The following SAMD15 variants were observed in gnomAD, a reference collection of about 807,000 sequenced individuals.
SAMD15 encodes sterile alpha motif domain containing 15.
SAMD15 carries 37 observed loss-of-function variants against 50.5 expected under a neutral mutation model. That is an observed-to-expected ratio of 0.73 (90% CI 0.56 to 0.96). The LOEUF (loss-of-function observed/expected upper bound fraction) is 0.96, where lower values mean the gene tolerates loss of function less well. SAMD15 is among the 40% of genes least tolerant of loss of function. The pLI is 0.00. For missense variants in SAMD15, 789 were observed against 783.8 expected (o/e 1.01, Z -0.08); for synonymous variants, 255 against 282.8 (o/e 0.90, Z 0.99).
At chr14:77,382,387 TG>T (rs1444810265) in intron 2 of SAMD15, among the ~76,000 whole-genome samples, 2 of 152,070 alleles carry the variant, frequency 1.3e-5, no homozygotes, top group Admixed American at 6.6e-5. Flanking sequence ...CCTCTCAAAA[TG>T]CTGGGACTAC....
intron 2 of SAMD15, among the ~76,000 whole-genome samples, chr14:77,382,146 A>AC (rs1358302311): frequency 6.8e-6 from 1 of 147,812 alleles, no homozygotes; most frequent in Admixed American, 6.7e-5. Flanking sequence ...TTTTTTTGAG[A>AC]CCGAGTCTCA....
At position 77,377,775 on chromosome 14, in the gene SAMD15, CAA is replaced by C; in HGVS notation, c.359_360del (p.Lys120ArgfsTer8). On this transcript the variant is annotated frameshift_variant, in exon 1 of 3. Transcript: ENST00000216471. LOFTEE classifies it high-confidence loss of function. ...ETSREMGEFF[K>X]DLEAPMDETH... The stretch of plus-strand genomic sequence containing the variant: ...CATCCAGAGAGATGGGAGAGTTTTT[CAA>C]AGATTTGGAGGCCCCTATGGATGAA... 6.2e-7 allele frequency: 1 copy of C among 1,614,046 alleles called. No individual in the cohort carries two copies. Among genetic ancestry groups the C allele is most frequent in the Non-Finnish European group, 8.5e-7 (1 of 1,180,004 alleles).
intron 2 of SAMD15, among the ~76,000 whole-genome samples, chr14:77,388,294 A>G (rs1894030040): frequency 1.3e-5 from 2 of 152,126 alleles, no homozygotes; most frequent in Admixed American, 1.3e-4. Context: ...CACATATACT[A>G]AAAGAGAATC....
intron 2 of SAMD15, among the ~76,000 whole-genome samples, chr14:77,386,891 T>C (rs1023022112): frequency 2.0e-5 from 3 of 152,146 alleles, no homozygotes. Flanking sequence ...AATATAGTAA[T>C]AATTGTCTTC....
rs1341362228 is a variant in SAMD15 at position 77,391,440 on chromosome 14, C to T, written c.*196C>T. The T allele has an allele frequency of 4.4e-6, 2 of 450,786 alleles. No individual in the cohort carries two copies. The highest frequency in any genetic ancestry group is 7.8e-6 in the Non-Finnish European group (2 of 257,070). 27.9% of individuals were successfully genotyped at this position (450,786 alleles called of 1,614,324 possible). Reference sequence around the variant, plus strand: ...CCTTGCGATTCTCCTGTCTCAGCCTCCCGAGTAGCTGGGATTACAGGCATC... The same window carrying T: ...CCTTGCGATTCTCCTGTCTCAGCCTTCCGAGTAGCTGGGATTACAGGCATC... On this transcript the variant is annotated 3_prime_UTR_variant, in exon 3 of 3. Coordinates refer to ENST00000216471, the MANE Select transcript of SAMD15 (RefSeq NM_001010860.4).
At chr14:77,390,306 A>AT (rs1362459912) in intron 2 of SAMD15, among the ~76,000 whole-genome samples, 1 of 151,690 alleles carries the variant, frequency 6.6e-6, no homozygotes, top group Non-Finnish European at 1.5e-5. Flanking sequence ...CTGAGTTATA[A>AT]TTTTTTTTCT....
Position 77,391,272 on chromosome 14 carries a change from G to A in SAMD15, c.*28G>A, listed in dbSNP as rs1434289525. 1 of 1,391,854 alleles carries A rather than the reference G, an allele frequency of 7.2e-7. No homozygotes were observed. Among genetic ancestry groups the A allele is most frequent in the East Asian group, 2.3e-5 (1 of 43,370 alleles). 86.2% of individuals were successfully genotyped at this position (1,391,854 alleles called of 1,614,324 possible). ...GAAATCCACTTCACAGAGCTTGAAA[G>A]ATCAAACTAAATTACTTGAGGGAAG... On this transcript the variant is annotated 3_prime_UTR_variant, in exon 3 of 3. Coordinates refer to ENST00000216471, the MANE Select transcript of SAMD15 (RefSeq NM_001010860.4).
Position 77,378,908 on chromosome 14 carries a change from C to G in SAMD15, c.1490C>G (p.Pro497Arg). 6.2e-7 allele frequency: 1 copy of G among 1,613,604 alleles called. No homozygotes were observed. The highest frequency in any genetic ancestry group is 8.5e-7 in the Non-Finnish European group (1 of 1,179,606). ...NVSEECSYSDPSESQTELSEF... is the reference protein window; with the variant it reads ...NVSEECSYSDRSESQTELSEF... The stretch of plus-strand genomic sequence containing the variant: ...AGTGAAGAATGCTCATACTCAGATC[C>G]CTCAGAGTCTCAGACAGAATTAAGT... The change falls in exon 1 of 3, where the codon CCC (proline) becomes CGC (arginine). Residue 497 changes from proline to arginine, a missense_variant. Pro to Arg is a moderately radical substitution (Grantham distance 103, BLOSUM62 -2). This residue lies in a region of SAMD15 where 770 missense variants were observed against 745.4 expected (regional missense o/e 1.03). Coordinates refer to ENST00000216471, the MANE Select transcript of SAMD15 (RefSeq NM_001010860.4).
At chr14:77,390,565 G>T (rs1033651000) in intron 2 of SAMD15, among the ~76,000 whole-genome samples, 1 of 152,112 alleles carries the variant, frequency 6.6e-6, no homozygotes, top group African/African-American at 2.4e-5. Context: ...GTAAGCCTGT[G>T]AATTTGTTTC....
chr14:77,390,181 A>G (rs1309862282), intron 2 of SAMD15, among the ~76,000 whole-genome samples: 1 of 151,986 alleles, frequency 6.6e-6, no homozygotes, highest in African/African-American at 2.4e-5. Flanking sequence ...TTTTTAGTAG[A>G]GACAGGGTTT....
At chr14:77,389,066 G>T (rs987961974) in intron 2 of SAMD15, among the ~76,000 whole-genome samples, 2 of 151,578 alleles carry the variant, frequency 1.3e-5, no homozygotes, top group African/African-American at 4.8e-5. Flanking sequence ...CTCCAGCCTG[G>T]GTAACACAGC....
rs1329709067 is a variant in SAMD15 at position 77,391,714 on chromosome 14, C to T, written c.*470C>T. On this transcript the variant is annotated 3_prime_UTR_variant, in exon 3 of 3. Coordinates refer to ENST00000216471, the MANE Select transcript of SAMD15 (RefSeq NM_001010860.4). ...CCTCCCTTTCTTTTTGCAATTTAAC[C>T]CCTTGTTAAAACAAAGATAGTCACG... 2.0e-5 allele frequency among the ~76,000 whole-genome samples: 3 copies of T among 152,034 alleles called. No individual in the cohort carries two copies. Among genetic ancestry groups the T allele is most frequent in the Non-Finnish European group, 4.4e-5 (3 of 68,026 alleles).
intron 2 of SAMD15, among the ~76,000 whole-genome samples, chr14:77,390,362 C>T (rs1385649156): frequency 1.3e-5 from 2 of 151,962 alleles, no homozygotes; most frequent in Non-Finnish European, 2.9e-5. Flanking sequence ...TATTTAATAA[C>T]CTTCCCAGAG....
Position 77,378,711 on chromosome 14 carries a change from G to A in SAMD15, c.1293G>A (p.Lys431=), listed in dbSNP as rs1161805383. 2 of 1,613,850 alleles carry A rather than the reference G, an allele frequency of 1.2e-6. No individual in the cohort carries two copies. Among genetic ancestry groups the A allele is most frequent in the Non-Finnish European group, 1.7e-6 (2 of 1,179,976 alleles). Reference sequence around the variant, plus strand: ...ACAGGCCAGAACCAATAAAGTCTAAGTATTCTGTAGGAAACGATGAGCTAG... The same window carrying A: ...ACAGGCCAGAACCAATAAAGTCTAAATATTCTGTAGGAAACGATGAGCTAG... ...KEDRPEPIKS[K]YSVGNDELEH... The change falls in exon 1 of 3, where the codon AAG becomes AAA. Residue 431 remains lysine, a synonymous_variant. Transcript: ENST00000216471.
rs1360414628 is a variant in SAMD15 at position 77,378,721 on chromosome 14, G to A, written c.1303G>A (p.Gly435Arg). ...ACCAATAAAGTCTAAGTATTCTGTAGGAAACGATGAGCTAGAGCACCGTGA... is the reference window on the plus strand; with the variant it reads ...ACCAATAAAGTCTAAGTATTCTGTAAGAAACGATGAGCTAGAGCACCGTGA... ...PEPIKSKYSV[G>R]NDELEHREPK... The change falls in exon 1 of 3, where the codon GGA becomes AGA. Residue 435 changes from glycine to arginine, a missense_variant. Gly to Arg is a moderately radical substitution (Grantham distance 125, BLOSUM62 -2). This residue lies in a region of SAMD15 where 770 missense variants were observed against 745.4 expected (regional missense o/e 1.03). Transcript: ENST00000216471. The A allele has an allele frequency of 6.2e-7, 1 of 1,613,430 alleles. No individual in the cohort carries two copies. Among genetic ancestry groups the A allele is most frequent in the Non-Finnish European group, 8.5e-7 (1 of 1,179,860 alleles).
chr14:77,391,889 A>T lies in SAMD15; in HGVS notation c.*645A>T, dbSNP rs2139655256. 6.6e-6 allele frequency among the ~76,000 whole-genome samples: 1 copy of T among 152,182 alleles called. No individual in the cohort carries two copies. On this transcript the variant is annotated 3_prime_UTR_variant, in exon 3 of 3. Transcript: ENST00000216471. ...GCCAACAAGGTGAAGCCCTGTCTCT[A>T]CTAAAAATACAAAAATTAGCTGGGC...
In SAMD15 at chr14:77,378,286, G is replaced by A. The variant is rs1435499386; in HGVS notation, c.868G>A (p.Glu290Lys). 6.2e-7 allele frequency: 1 copy of A among 1,612,754 alleles called. No homozygotes were observed. The highest frequency in any genetic ancestry group is 8.5e-7 in the Non-Finnish European group (1 of 1,179,734). ...AGAAGAGACTCAACCAGAGGTTCCA[G>A]AGGAGATGCAAAGAAAGGCAACTGA... The part of the protein sequence containing the change: ...PPEETQPEVP[E>K]EMQRKATEEK... The change falls in exon 1 of 3, where the codon GAG (glutamate) becomes AAG (lysine). Residue 290 changes from glutamate to lysine, a missense_variant. Physicochemically the swap from Glu to Lys is moderately conservative, Grantham distance 56 (BLOSUM62 1). This residue lies in a region of SAMD15 where 770 missense variants were observed against 745.4 expected (regional missense o/e 1.03). Transcript: ENST00000216471.
chr14:77,385,575 C>T (rs1359978367), intron 2 of SAMD15, among the ~76,000 whole-genome samples: 4 of 152,120 alleles, frequency 2.6e-5, no homozygotes, highest in Non-Finnish European at 5.9e-5. Flanking sequence ...ACCCCCTTGC[C>T]TGTTTATAAC....
intron 2 of SAMD15, among the ~76,000 whole-genome samples, chr14:77,387,944 G>A (rs1323609683): frequency 2.0e-5 from 3 of 152,146 alleles, no homozygotes; most frequent in Admixed American, 1.3e-4. Context: ...TTGGGAGGCC[G>A]AGGCAGGAAG....
Sources: gnomAD v4.1 joint callset for allele counts (sites outside exome capture counted in the v4.1 genomes callset) on GRCh38, gnomAD v4.1.1 for gene constraint, gnomAD v4.1.1 regional missense constraint, MANE v1.5 for transcripts, NCBI Gene and HGNC (gene_info 2026-07-23, HGNC 2026-07-21) for gene names.